Variants in TSHZ2 observed in about 807,000 individuals in gnomAD.
TSHZ2 encodes the protein teashirt zinc finger homeobox 2.
A neutral mutation model predicts 74.4 loss-of-function variants in TSHZ2; 21 were observed. The observed-to-expected ratio is 0.28, with a 90% CI of 0.20 to 0.41. The LOEUF is 0.41. Among genes scored for constraint, TSHZ2 ranks in the 10% least tolerant of loss-of-function variants. The probability of loss-of-function intolerance (pLI) is 1.00; values close to 1 mark genes in which losing one functional copy is unlikely to be tolerated. For missense variants in TSHZ2, 1,244 were observed against 1,293.5 expected, an observed-to-expected ratio of 0.96 and a Z score of 0.59; for synonymous variants, 540 against 515.3, an observed-to-expected ratio of 1.05 and a Z score of -0.65.
intron 1 of TSHZ2, among the ~76,000 whole-genome samples, chr20:52,995,866 C>A (rs1015169895): frequency 3.3e-5 from 5 of 152,026 alleles, no homozygotes; most frequent in Non-Finnish European, 5.9e-5. Context: ...AGGTAATCCA[C>A]CCACCTCGGC....
intron 2 of TSHZ2, among the ~76,000 whole-genome samples, chr20:53,389,616 C>T (rs1001705367): frequency 1.3e-5 from 2 of 152,188 alleles, no homozygotes; most frequent in African/African-American, 4.8e-5. Flanking sequence ...GGTGAAGTTA[C>T]AACAGTAGGC....
intron 2 of TSHZ2, among the ~76,000 whole-genome samples, chr20:53,259,577 A>G (rs1990559377): frequency 6.6e-6 from 1 of 152,234 alleles, no homozygotes; most frequent in African/African-American, 2.4e-5. Context: ...TATAGTGTAC[A>G]AGCTTAACAG....
intron 2 of TSHZ2, among the ~76,000 whole-genome samples, chr20:53,336,493 A>T (rs117378675): frequency 0.015 from 2,358 of 152,272 alleles, 36 homozygotes; most frequent in Non-Finnish European, 0.021. Context: ...TCATTGTAAG[A>T]TCTCATTGAT....
At chr20:53,017,327 A>T (rs1016696767) in intron 1 of TSHZ2, among the ~76,000 whole-genome samples, 5 of 152,178 alleles carry the variant, frequency 3.3e-5, no homozygotes, top group Non-Finnish European at 5.9e-5. Context: ...GACATGCTAC[A>T]AGTCGTACTG....
chr20:53,444,459 A>G (rs1984473419), intron 2 of TSHZ2, among the ~76,000 whole-genome samples: 1 of 152,258 alleles, frequency 6.6e-6, no homozygotes, highest in South Asian at 2.1e-4. Flanking sequence ...TGAGTCCTCC[A>G]GTGCCGGTAC....
rs1986470710 is a variant in TSHZ2, at chr20:53,492,299, G to A, written c.*5164G>A. The A allele has an allele frequency of 6.6e-6, 1 of 152,172 alleles. No homozygotes were observed. 9.4% of individuals were successfully genotyped at this position (152,172 alleles called of 1,614,324 possible). A position where few individuals can be genotyped will look rare whatever the true frequency, so the allele number is the denominator to read the frequency against. On this transcript the variant is annotated 3_prime_UTR_variant, in exon 3 of 3. Coordinates refer to ENST00000371497, the MANE Select transcript of TSHZ2 (RefSeq NM_173485.6). ...CATATAACATTCAGGAATTATAGAT[G>A]TGTATGTATATTTTTTAAGTACAGA...
intron 1 of TSHZ2, among the ~76,000 whole-genome samples, chr20:53,009,893 G>C (rs145360544): frequency 6.6e-6 from 1 of 152,156 alleles, no homozygotes; most frequent in East Asian, 1.9e-4. Flanking sequence ...ACCTACATTG[G>C]GAACTCTGAG....
chr20:53,102,407 GAAAA>G (rs781694483), intron 1 of TSHZ2, among the ~76,000 whole-genome samples: 11 of 134,440 alleles, frequency 8.2e-5, no homozygotes, highest in Admixed American at 3.3e-4. Flanking sequence ...GAAAAAAAAA[GAAAA>G]GAAAGAAAGG....
At chr20:53,396,582 C>T (rs954992812) in intron 2 of TSHZ2, among the ~76,000 whole-genome samples, 4 of 152,092 alleles carry the variant, frequency 2.6e-5, no homozygotes, top group African/African-American at 4.8e-5. Context: ...ATGGGTGGCT[C>T]GTGCCTGTAA....
chr20:53,333,105 T>G (rs1477061572), intron 2 of TSHZ2, among the ~76,000 whole-genome samples: 3 of 152,198 alleles, frequency 2.0e-5, no homozygotes, highest in Non-Finnish European at 4.4e-5. Flanking sequence ...AGCATGTCAT[T>G]TGTCCTGCTC....
intron 1 of TSHZ2, among the ~76,000 whole-genome samples, chr20:53,211,682 C>A (rs1012224527): frequency 1.3e-5 from 2 of 152,094 alleles, no homozygotes; most frequent in African/African-American, 4.8e-5. Context: ...CCGCTGCATT[C>A]CGGCCTGGGT....
intron 2 of TSHZ2, among the ~76,000 whole-genome samples, chr20:53,304,268 C>G (rs751760942): frequency 1.3e-4 from 19 of 144,394 alleles, no homozygotes; most frequent in Non-Finnish European, 2.1e-4. Flanking sequence ...ACAACAGATT[C>G]TTGTAGTAAA....
At chr20:53,283,555 G>C (rs1042081408) in intron 2 of TSHZ2, among the ~76,000 whole-genome samples, 1 of 152,140 alleles carries the variant, frequency 6.6e-6, no homozygotes, top group Non-Finnish European at 1.5e-5. Context: ...CTGGGAAGCA[G>C]AGTTATAATT....
At chr20:53,148,610 G>GA (rs932932984) in intron 1 of TSHZ2, among the ~76,000 whole-genome samples, 10 of 151,088 alleles carry the variant, frequency 6.6e-5, no homozygotes, top group Admixed American at 2.0e-4. Context: ...TTGATTGAAA[G>GA]AAAAAAAAAG....
At chr20:53,017,253 A>G (rs145663197) in intron 1 of TSHZ2, among the ~76,000 whole-genome samples, 111 of 152,270 alleles carry the variant, frequency 7.3e-4, no homozygotes, top group African/African-American at 2.6e-3. Context: ...TAACTTACCC[A>G]TCATCTCACC....
At chr20:53,369,564 A>T (rs1287042454) in intron 2 of TSHZ2, among the ~76,000 whole-genome samples, 2 of 151,902 alleles carry the variant, frequency 1.3e-5, no homozygotes, top group African/African-American at 4.8e-5. Context: ...AAAAAAAATT[A>T]GCTGGGCATG....
chr20:52,978,006 G>A (rs1048507335), intron 1 of TSHZ2, among the ~76,000 whole-genome samples: 1 of 152,154 alleles, frequency 6.6e-6, no homozygotes, highest in African/African-American at 2.4e-5. Context: ...CTTTGGGAAT[G>A]CTTAACACCC....
At chr20:53,392,301 G>C (rs1282142038) in intron 2 of TSHZ2, among the ~76,000 whole-genome samples, 2 of 152,114 alleles carry the variant, frequency 1.3e-5, no homozygotes, top group Non-Finnish European at 2.9e-5. Context: ...AAAATTACCT[G>C]GGTGTGGTGG....
intron 2 of TSHZ2, among the ~76,000 whole-genome samples, chr20:53,359,019 GC>G (rs1223003763): frequency 6.6e-6 from 1 of 152,078 alleles, no homozygotes; most frequent in African/African-American, 2.4e-5. Context: ...TTTCAAGATG[GC>G]CTGCTTTTTC....
Sources: allele counts gnomAD v4.1 joint callset (sites outside exome capture counted in the v4.1 genomes callset), GRCh38; gene constraint gnomAD v4.1.1; transcripts MANE v1.5; gene names NCBI Gene and HGNC (gene_info 2026-07-23, HGNC 2026-07-21).